EEPD1: variants seen among roughly 807,000 people sequenced by gnomAD.
EEPD1 encodes endonuclease/exonuclease/phosphatase family domain containing 1.
In EEPD1, 17 loss-of-function variants were observed where a neutral mutation model predicts 46.3. The observed-to-expected ratio is 0.37, with a 90% CI of 0.25 to 0.55. The LOEUF is 0.55. EEPD1 is among the 20% of genes least tolerant of loss of function. EEPD1 has a pLI of 0.83. For synonymous variants in EEPD1, 313 were observed against 315.6 expected (o/e 0.99, Z 0.09); for missense variants, 673 against 745.6 (o/e 0.90, Z 1.13).
intron 3 of EEPD1, among the ~76,000 whole-genome samples, chr7:36,249,796 C>T (rs949825551): frequency 6.6e-6 from 1 of 152,052 alleles, no homozygotes; most frequent in Non-Finnish European, 1.5e-5. Context: ...TCCTGTAGCT[C>T]GCATTGTAAC....
intron 3 of EEPD1, among the ~76,000 whole-genome samples, chr7:36,277,590 C>T (rs923511886): frequency 1.3e-5 from 2 of 152,142 alleles, no homozygotes; most frequent in African/African-American, 2.4e-5. Flanking sequence ...GAGTAGCAAG[C>T]GTCTGAAAGG....
At chr7:36,189,335 T>A (rs534452729) in intron 2 of EEPD1, among the ~76,000 whole-genome samples, 2 of 152,328 alleles carry the variant, frequency 1.3e-5, no homozygotes, top group South Asian at 2.1e-4. Flanking sequence ...ATGGGGATTT[T>A]AAAAATATTC....
chr7:36,171,037 T>G (rs1785072090), intron 2 of EEPD1, among the ~76,000 whole-genome samples: 1 of 152,184 alleles, frequency 6.6e-6, no homozygotes, highest in Non-Finnish European at 1.5e-5. Context: ...TCCTCCTGCC[T>G]CAGCCTCCCA....
At chr7:36,229,406 GAA>G (rs1786280879) in intron 2 of EEPD1, 1 of 152,226 alleles carries the variant, frequency 6.6e-6, no homozygotes, top group African/African-American at 2.4e-5. Context: ...GAAAGAGAGA[GAA>G]AGAGAATGTG....
chr7:36,255,443 G>A (rs1272696101), intron 3 of EEPD1, among the ~76,000 whole-genome samples: 2 of 152,134 alleles, frequency 1.3e-5, no homozygotes, highest in Non-Finnish European at 2.9e-5. Flanking sequence ...AGATCAAATG[G>A]TTGTAGATGT....
At chr7:36,208,975 T>C (rs1486740742) in intron 2 of EEPD1, among the ~76,000 whole-genome samples, 1 of 152,196 alleles carries the variant, frequency 6.6e-6, no homozygotes, top group Admixed American at 6.5e-5. Context: ...GAACCTCTCC[T>C]GGAGAGGTAG....
chr7:36,264,139 A>G (rs1786974343), intron 3 of EEPD1, among the ~76,000 whole-genome samples: 1 of 152,246 alleles, frequency 6.6e-6, no homozygotes, highest in African/African-American at 2.4e-5. Flanking sequence ...TAAAGCAAGA[A>G]GAAAAACTAA....
chr7:36,179,582 C>T (rs1005362102), intron 2 of EEPD1, among the ~76,000 whole-genome samples: 3 of 149,004 alleles, frequency 2.0e-5, no homozygotes, highest in Admixed American at 6.7e-5. Context: ...AAAAAGAGGC[C>T]AGGTGTGGTG....
intron 2 of EEPD1, among the ~76,000 whole-genome samples, chr7:36,196,380 G>A (rs974068662): frequency 3.3e-5 from 5 of 151,342 alleles, no homozygotes; most frequent in Non-Finnish European, 7.4e-5. Flanking sequence ...CTCGTCTCCC[G>A]TCTCCCTCTC....
intron 2 of EEPD1, among the ~76,000 whole-genome samples, chr7:36,221,291 G>A (rs1445064656): frequency 1.3e-5 from 2 of 152,140 alleles, no homozygotes; most frequent in Admixed American, 6.5e-5. Context: ...GAATGTTACA[G>A]CTTTGAAAGT....
In EEPD1 at chr7:36,225,998, C is replaced by G. The variant is rs1269232655; in HGVS notation, c.879-12987C>G. On this transcript the variant is annotated intron_variant, in intron 2 of 7. Transcript: ENST00000242108. The surrounding 1 kb of genome is among the most constrained non-coding windows in gnomAD (Gnocchi z 4.2). ...GCTCAAGAGTAGCTAACATAAGCAC[C>G]AGATTCCATAAAACTAGAGAGCAGT... Among the ~76,000 whole-genome samples, 1 of 152,108 alleles carries G rather than the reference C, an allele frequency of 6.6e-6. No individual in the cohort carries two copies. Among genetic ancestry groups the G allele is most frequent in the African/African-American group, 2.4e-5 (1 of 41,410 alleles).
intron 2 of EEPD1, among the ~76,000 whole-genome samples, chr7:36,237,238 C>A (rs775230548): frequency 1.8e-4 from 28 of 152,330 alleles, no homozygotes; most frequent in Middle Eastern, 3.4e-3. Flanking sequence ...AAACTCCGGA[C>A]ACACCATCTT....
chr7:36,269,502 G>A (rs1442471637), intron 3 of EEPD1, among the ~76,000 whole-genome samples: 1 of 151,702 alleles, frequency 6.6e-6, no homozygotes, highest in Non-Finnish European at 1.5e-5. Context: ...AAACTAAAGA[G>A]TCATGTCCTT....
chr7:36,220,583 G>A lies in EEPD1; in HGVS notation c.879-18402G>A, dbSNP rs117355220. Among the ~76,000 whole-genome samples the A allele has an allele frequency of 3.3e-5, 5 of 152,266 alleles. No homozygotes were observed. In the East Asian group the frequency reaches 5.8e-4, roughly 18 times the overall value. On this transcript the variant is annotated intron_variant, in intron 2 of 7. Transcript: ENST00000242108. ...AAGCCCTGAGCTCCAGTGGCAAATGGCACTTTGCTCTTTCTATTCATTTGG... is the reference window on the plus strand; with the variant it reads ...AAGCCCTGAGCTCCAGTGGCAAATGACACTTTGCTCTTTCTATTCATTTGG...
At chr7:36,289,715 CA>C (rs1359406264) in intron 6 of EEPD1, among the ~76,000 whole-genome samples, 1 of 152,214 alleles carries the variant, frequency 6.6e-6, no homozygotes, top group Non-Finnish European at 1.5e-5. Flanking sequence ...AGGATGGTCT[CA>C]ATCTCCTGAC....
intron 2 of EEPD1, among the ~76,000 whole-genome samples, chr7:36,198,660 C>T (rs187924324): frequency 2.0e-4 from 30 of 152,290 alleles, no homozygotes; most frequent in African/African-American, 6.5e-4. Flanking sequence ...CCCTGAAAAT[C>T]GAAAGTTTTA....
chr7:36,231,750 A>G (rs1286769686), intron 2 of EEPD1, among the ~76,000 whole-genome samples: 1 of 152,232 alleles, frequency 6.6e-6, no homozygotes, highest in Non-Finnish European at 1.5e-5. Flanking sequence ...AATTGAAAAT[A>G]TGAGATACCA....
chr7:36,241,703 C>T (rs1786556269), intron 3 of EEPD1, among the ~76,000 whole-genome samples: 1 of 151,886 alleles, frequency 6.6e-6, no homozygotes, highest in Admixed American at 6.6e-5. Flanking sequence ...CCGGTCTCTG[C>T]TAAAAATACA....
intron 6 of EEPD1, among the ~76,000 whole-genome samples, chr7:36,295,331 G>A (rs1471699694): frequency 6.6e-6 from 1 of 152,174 alleles, no homozygotes; most frequent in Non-Finnish European, 1.5e-5. Context: ...AGTGACCAAA[G>A]CTGGAAATAT....
Sources: allele counts gnomAD v4.1 joint callset (sites outside exome capture counted in the v4.1 genomes callset), GRCh38; gene constraint gnomAD v4.1.1; non-coding constraint Gnocchi (gnomAD v3.1); transcripts MANE v1.5; gene names NCBI Gene and HGNC (gene_info 2026-07-23, HGNC 2026-07-21).